Variants in USP32 observed in about 807,000 individuals in gnomAD.
USP32 encodes ubiquitin carboxyl-terminal hydrolase 32.
In USP32, 59 loss-of-function variants were observed where a neutral mutation model predicts 204.8. The ratio of observed to expected loss-of-function variants is 0.29; its 90% CI spans 0.23 to 0.36. The LOEUF (loss-of-function observed/expected upper bound fraction) is 0.36, where lower values mean the gene tolerates loss of function less well. USP32 is among the 10% of genes least tolerant of loss of function. USP32 has a pLI of 1.00. For synonymous variants in USP32, 517 were observed against 678.4 expected (o/e 0.76, Z 3.70); for missense variants, 1,160 against 1,946.4 (o/e 0.60, Z 7.60).
At chr17:60,283,364 C>CA (rs2087020405) in intron 5 of USP32, among the ~76,000 whole-genome samples, 1 of 152,040 alleles carries the variant, frequency 6.6e-6, no homozygotes, top group Admixed American at 6.5e-5. Context: ...GGAATTTAAA[C>CA]AAAGGTTTCT....
upstream of USP32, among the ~76,000 whole-genome samples, chr17:60,396,764 C>T (rs1213862308): frequency 6.6e-6 from 1 of 152,188 alleles, no homozygotes; most frequent in Non-Finnish European, 1.5e-5. Context: ...CTTAGATCTA[C>T]CTTGGAGGTT....
rs74590232 is a variant in USP32, at chr17:60,388,449, A to G, written c.58+3433T>C. On this transcript the variant is annotated intron_variant, in intron 1 of 33. Transcript: ENST00000300896. ...GAGTTCTAAAAGGATCTAAAATGCAACTCATCTTTCACCGAACGGTTTTTG... is the reference window on the plus strand; with the variant it reads ...GAGTTCTAAAAGGATCTAAAATGCAGCTCATCTTTCACCGAACGGTTTTTG... Among the ~76,000 whole-genome samples the G allele has an allele frequency of 5.8e-3, 881 of 152,256 alleles. 11 individuals are homozygous for G. The highest frequency in any genetic ancestry group is 0.02 in the African/African-American group (833 of 41,538).
At chr17:60,346,847 A>G (rs980350430) in intron 1 of USP32, among the ~76,000 whole-genome samples, 1 of 152,372 alleles carries the variant, frequency 6.6e-6, no homozygotes, top group East Asian at 1.9e-4. Context: ...TCAAAGTACA[A>G]TGAAGTATAA....
intron 4 of USP32, among the ~76,000 whole-genome samples, chr17:60,288,924 AT>A (rs1351129972): frequency 6.6e-6 from 1 of 152,206 alleles, no homozygotes; most frequent in Non-Finnish European, 1.5e-5. Flanking sequence ...TATTTCATCA[AT>A]TCAGTAAAGC....
chr17:60,269,018 T>C (rs2086666399), intron 7 of USP32, among the ~76,000 whole-genome samples: 1 of 152,246 alleles, frequency 6.6e-6, no homozygotes, highest in Admixed American at 6.5e-5. Flanking sequence ...ATCATTTTAG[T>C]ATTTGACAAA....
intron 6 of USP32, among the ~76,000 whole-genome samples, chr17:60,270,933 A>C (rs1289783400): frequency 1.3e-5 from 2 of 152,118 alleles, no homozygotes; most frequent in Non-Finnish European, 2.9e-5. Context: ...AGAATACAGC[A>C]ATGGAATCTT....
At chr17:60,372,915 T>G (rs2089468484) in intron 1 of USP32, among the ~76,000 whole-genome samples, 1 of 148,666 alleles carries the variant, frequency 6.7e-6, no homozygotes. Context: ...ACATCTGTAA[T>G]CTCAGAGCTC....
At chr17:60,284,224 T>C (rs867794635) in intron 5 of USP32, among the ~76,000 whole-genome samples, 1 of 150,654 alleles carries the variant, frequency 6.6e-6, no homozygotes, top group Non-Finnish European at 1.5e-5. Context: ...CTTTTTTTTT[T>C]TTTTTTTGAG....
At chr17:60,367,803 G>T (rs1379809028) in intron 1 of USP32, among the ~76,000 whole-genome samples, 1 of 152,052 alleles carries the variant, frequency 6.6e-6, no homozygotes. Flanking sequence ...GTGAGACCCT[G>T]TCTAAAACAA....
chr17:60,419,341 C>A (rs2090087009), intron 1 of USP32, among the ~76,000 whole-genome samples: 2 of 152,118 alleles, frequency 1.3e-5, no homozygotes. Flanking sequence ...TAGAGGGGAA[C>A]AACACACACT....
chr17:60,300,636 T>C (rs1442760953), intron 3 of USP32, among the ~76,000 whole-genome samples: 2 of 152,228 alleles, frequency 1.3e-5, no homozygotes, highest in Non-Finnish European at 1.5e-5. Flanking sequence ...GTGAAACAAA[T>C]AGACTACTAT....
At chr17:60,344,884 G>A (rs1336392454) in intron 2 of USP32, among the ~76,000 whole-genome samples, 2 of 151,772 alleles carry the variant, frequency 1.3e-5, no homozygotes, top group African/African-American at 4.8e-5. Context: ...GACTGGACTC[G>A]AGTTCTTGGG....
chr17:60,194,612 A>G (rs1274633504), intron 27 of USP32, among the ~76,000 whole-genome samples: 2 of 152,172 alleles, frequency 1.3e-5, no homozygotes, highest in East Asian at 3.9e-4. Flanking sequence ...ATCAACATCA[A>G]TGCAATTAAT....
chr17:60,242,331 T>A (rs1418525982), intron 11 of USP32, among the ~76,000 whole-genome samples: 3 of 152,142 alleles, frequency 2.0e-5, no homozygotes, highest in African/African-American at 4.8e-5. Flanking sequence ...AAGTCAGTCC[T>A]TTCTCTACTG....
rs2084163234 is a variant in USP32 at position 60,183,302 on chromosome 17, C to T, written c.3986G>A (p.Gly1329Glu). ...AATCCTGGGCTCAGAGAGCTCATCC[C>T]CCTGGGGTGTGAGTGGTTTATGCTG... The part of the protein sequence containing the change: ...LCQHKPLTPQ[G>E]DELSEPRILA... Residue 1329 changes from glycine (G) to glutamate (E), a missense_variant, in exon 31 of 34, where the codon GGG becomes GAG. Physicochemically the swap from Gly to Glu is moderately conservative, Grantham distance 98. Around this residue, in one of 8 missense-constraint regions of USP32, gnomAD observed 244 missense variants for 342.3 expected, o/e 0.71. Coordinates refer to ENST00000300896, the MANE Select transcript of USP32 (RefSeq NM_032582.4). 2 of 1,613,846 alleles carry T rather than the reference C, an allele frequency of 1.2e-6. No individual in the cohort carries two copies. Among genetic ancestry groups the T allele is most frequent in the African/African-American group, 2.7e-5 (2 of 74,918 alleles).
chr17:60,282,473 C>T (rs910944872), intron 5 of USP32, among the ~76,000 whole-genome samples: 5 of 152,170 alleles, frequency 3.3e-5, no homozygotes, highest in Admixed American at 2.6e-4. Flanking sequence ...CCTGCCTCAG[C>T]GTCCAAGGTA....
intron 29 of USP32, 135 bp from the exon 30 acceptor site, chr17:60,185,786 G>T: frequency 9.2e-7 from 1 of 1,087,662 alleles, no homozygotes; most frequent in Non-Finnish European, 1.3e-6. Context: ...AACTGGCTGG[G>T]TATGGTGGCT....
intron 1 of USP32, among the ~76,000 whole-genome samples, chr17:60,357,281 T>C (rs1261681447): frequency 6.6e-6 from 1 of 151,940 alleles, no homozygotes; most frequent in East Asian, 1.9e-4. Context: ...GGAGACCCCA[T>C]CTCTACAAAA....
intron 29 of USP32, among the ~76,000 whole-genome samples, chr17:60,186,536 G>C (rs1307778386): frequency 6.6e-6 from 1 of 152,202 alleles, no homozygotes; most frequent in Admixed American, 6.5e-5. Flanking sequence ...ATAATTATCT[G>C]TCTCCTCCCT....
Sources: allele counts gnomAD v4.1 joint callset (sites outside exome capture counted in the v4.1 genomes callset), GRCh38; gene constraint gnomAD v4.1.1; regional missense constraint gnomAD v4.1.1; transcripts MANE v1.5; gene names NCBI Gene and HGNC (gene_info 2026-07-23, HGNC 2026-07-21).